The following TMEM132D variants were observed in gnomAD, a reference collection of about 807,000 sequenced individuals.
TMEM132D encodes the protein mature OL transmembrane protein.
In TMEM132D, 21 loss-of-function variants were observed where a neutral mutation model predicts 62.3. The observed-to-expected ratio is 0.34, with a 90% CI of 0.24 to 0.49. The LOEUF (loss-of-function observed/expected upper bound fraction) is 0.49. TMEM132D is among the 20% of genes least tolerant of loss of function. The probability of loss-of-function intolerance (pLI) is 0.99; values close to 1 mark genes in which losing one functional copy is unlikely to be tolerated. For synonymous variants in TMEM132D, 621 were observed against 575.6 expected (o/e 1.08, Z -1.13); for missense variants, 1,346 against 1,402.8 (o/e 0.96, Z 0.65).
chr12:129,700,310 C>A lies in TMEM132D; in HGVS notation c.468G>T (p.Trp156Cys), dbSNP rs568937580. 1 of 1,613,804 alleles carries A rather than the reference C, an allele frequency of 6.2e-7. No homozygotes were observed. Among genetic ancestry groups the A allele is most frequent in the South Asian group, 1.1e-5 (1 of 91,082 alleles). Residue 156 changes from tryptophan (W) to cysteine (C), a missense_variant, in exon 2 of 9, where the codon TGG (tryptophan) becomes TGT (cysteine). By Grantham distance (215) the Trp-to-Cys change is radical. Transcript: ENST00000422113. ...QVLFHIMGRD[W>C]DDRSAGEKLP... ...GCTTCTCCCCGGCGCTGCGGTCGTCCCAGTCTCTGCCCATGATGTGGAACA... is the reference window on the plus strand; with the variant it reads ...GCTTCTCCCCGGCGCTGCGGTCGTCACAGTCTCTGCCCATGATGTGGAACA...
intron 5 of TMEM132D, among the ~76,000 whole-genome samples, chr12:129,126,561 A>T (rs1423174606): frequency 2.0e-5 from 3 of 152,112 alleles, no homozygotes; most frequent in Non-Finnish European, 2.9e-5. Context: ...CATTGGAGGG[A>T]TCTGGCTAAT....
chr12:129,502,529 C>T (rs1190428034), intron 3 of TMEM132D, among the ~76,000 whole-genome samples: 2 of 151,946 alleles, frequency 1.3e-5, no homozygotes, highest in Non-Finnish European at 1.5e-5. Context: ...TGACTTCGGG[C>T]ATAACTAGAT....
At chr12:129,894,800 T>C (rs900781480) in intron 1 of TMEM132D, among the ~76,000 whole-genome samples, 5 of 152,146 alleles carry the variant, frequency 3.3e-5, no homozygotes, top group African/African-American at 4.8e-5. Flanking sequence ...AAGCTTATTT[T>C]CATACGAATC....
intron 5 of TMEM132D, among the ~76,000 whole-genome samples, chr12:129,088,067 G>A (rs1281920528): frequency 4.4e-5 from 2 of 45,612 alleles, no homozygotes; most frequent in African/African-American, 2.2e-4. Context: ...TCCATGACCG[G>A]GGTGTCCTCC....
At chr12:129,459,550 T>C (rs928394752) in intron 3 of TMEM132D, among the ~76,000 whole-genome samples, 1 of 152,154 alleles carries the variant, frequency 6.6e-6, no homozygotes, top group African/African-American at 2.4e-5. Flanking sequence ...ATGACAAAAG[T>C]GTGCCAAGAG....
At chr12:129,230,314 G>T (rs1879604356) in intron 4 of TMEM132D, among the ~76,000 whole-genome samples, 1 of 149,560 alleles carries the variant, frequency 6.7e-6, no homozygotes, top group South Asian at 2.1e-4. Flanking sequence ...TGGAGGGGGG[G>T]GGCTCCCCAG....
At chr12:129,628,928 TTCTC>T (rs977405656) in intron 2 of TMEM132D, among the ~76,000 whole-genome samples, 5 of 149,616 alleles carry the variant, frequency 3.3e-5, no homozygotes, top group Non-Finnish European at 5.9e-5. Context: ...CTATCTCTCT[TTCTC>T]TCTCTCTCCT....
chr12:129,817,761 G>C (rs1300590692), intron 1 of TMEM132D, among the ~76,000 whole-genome samples: 2 of 139,112 alleles, frequency 1.4e-5, no homozygotes, highest in Admixed American at 7.3e-5. Flanking sequence ...TGGGGTATGT[G>C]TGTCTGTGTG....
intron 1 of TMEM132D, among the ~76,000 whole-genome samples, chr12:129,764,274 C>G (rs1051176135): frequency 1.3e-5 from 2 of 152,116 alleles, no homozygotes; most frequent in Non-Finnish European, 2.9e-5. Context: ...GTTGATACCC[C>G]TTCAGCATAG....
chr12:129,830,172 A>G (rs1872786770), intron 1 of TMEM132D, among the ~76,000 whole-genome samples: 1 of 152,200 alleles, frequency 6.6e-6, no homozygotes, highest in Non-Finnish European at 1.5e-5. Flanking sequence ...AGAACCGTAT[A>G]CATACATACA....
chr12:129,373,783 C>T (rs983545031), intron 3 of TMEM132D, among the ~76,000 whole-genome samples: 1 of 152,174 alleles, frequency 6.6e-6, no homozygotes, highest in Admixed American at 6.5e-5. Context: ...AGAGAAAAGA[C>T]CACGTGCATC....
intron 3 of TMEM132D, among the ~76,000 whole-genome samples, chr12:129,339,138 G>A (rs1474174522): frequency 6.6e-6 from 1 of 152,278 alleles, no homozygotes; most frequent in South Asian, 2.1e-4. Context: ...GGGTGTGGTG[G>A]CATGTGCCTA....
chr12:129,288,618 A>T (rs533720194), intron 4 of TMEM132D, among the ~76,000 whole-genome samples: 1 of 152,358 alleles, frequency 6.6e-6, no homozygotes, highest in South Asian at 2.1e-4. Context: ...GTTGACAAGC[A>T]TGTGGAGAAA....
At chr12:129,616,912 AAGG>A (rs1386309439) in intron 2 of TMEM132D, among the ~76,000 whole-genome samples, 28 of 152,348 alleles carry the variant, frequency 1.8e-4, no homozygotes, top group African/African-American at 6.7e-4. Context: ...CTGAGTAGAC[AAGG>A]AGATGAAGAA....
chr12:129,466,922 G>C (rs1369645775), intron 3 of TMEM132D, among the ~76,000 whole-genome samples: 2 of 152,046 alleles, frequency 1.3e-5, no homozygotes, highest in Non-Finnish European at 1.5e-5. Context: ...AGTTCTCCAA[G>C]GTGTCTATTG....
intron 2 of TMEM132D, among the ~76,000 whole-genome samples, chr12:129,623,476 T>C (rs1306373793): frequency 6.6e-6 from 1 of 152,188 alleles, no homozygotes; most frequent in East Asian, 1.9e-4. Flanking sequence ...CCACTCTCTA[T>C]GACTTTGCAT....
At chr12:129,554,752 T>C (rs1314930107) in intron 2 of TMEM132D, among the ~76,000 whole-genome samples, 1 of 152,160 alleles carries the variant, frequency 6.6e-6, no homozygotes, top group Non-Finnish European at 1.5e-5. Context: ...TCACATCAGA[T>C]GCTGCAGGAG....
intron 2 of TMEM132D, among the ~76,000 whole-genome samples, chr12:129,639,958 G>GT (rs1879599387): frequency 6.6e-6 from 1 of 152,162 alleles, no homozygotes. Flanking sequence ...TGCCACAGAT[G>GT]TAAGACTGCT....
chr12:129,438,276 G>A (rs1337093768), intron 3 of TMEM132D, among the ~76,000 whole-genome samples: 5 of 152,098 alleles, frequency 3.3e-5, no homozygotes, highest in African/African-American at 1.2e-4. Context: ...ATTGTTGGGT[G>A]AAATGGTATT....
Sources: allele counts gnomAD v4.1 joint callset (sites outside exome capture counted in the v4.1 genomes callset), GRCh38; gene constraint gnomAD v4.1.1; transcripts MANE v1.5; gene names NCBI Gene and HGNC (gene_info 2026-07-23, HGNC 2026-07-21).